The following COL1A2 variants were observed in gnomAD, a reference collection of about 807,000 sequenced individuals.
The protein encoded by COL1A2 is collagen alpha-2(I) chain.
Under a neutral mutation model 174.3 loss-of-function variants are expected in COL1A2, and 49 were observed. That is an observed-to-expected ratio of 0.28 (90% CI 0.22 to 0.36). COL1A2 has a LOEUF of 0.36. COL1A2 is among the 10% of genes least tolerant of loss of function. The pLI is 1.00. For synonymous variants in COL1A2, 655 were observed against 606.6 expected, an observed-to-expected ratio of 1.08 and a Z score of -1.17; for missense variants, 1,438 against 1,822.7, an observed-to-expected ratio of 0.79 and a Z score of 3.84.
In COL1A2 at chr7:94,395,170, A is replaced by G. The variant is rs751999362; in HGVS notation, c.70+69A>G. On this transcript the variant is annotated intron_variant, in intron 1 of 51. Transcript: ENST00000297268. ...TAGATGGGAGGGCACCCTGCCCTGA[A>G]AAGGAAAACCTGTAACCTGAATTCC... The G allele has an allele frequency of 3.0e-6, 4 of 1,335,236 alleles. No individual in the cohort carries two copies. In the African/African-American group the frequency reaches 5.8e-5, roughly 19 times the overall value. 82.7% of individuals were successfully genotyped at this position (1,335,236 alleles called of 1,614,324 possible).
At chr7:94,423,181 C>T (rs1449255998) in intron 40 of COL1A2, 63 bp downstream of exon 40, 4 of 1,583,616 alleles carry the variant, frequency 2.5e-6, no homozygotes, top group East Asian at 4.5e-5. Context: ...AGCCCCTACA[C>T]AAATCTTCAA....
intron 30 of COL1A2, 88 bp downstream of exon 30, chr7:94,415,358 T>C: frequency 9.0e-7 from 1 of 1,111,890 alleles, no homozygotes; most frequent in Middle Eastern, 2.0e-4. Flanking sequence ...CTGATGACCC[T>C]GCAACAAGTC....
At position 94,406,234 on chromosome 7, in the gene COL1A2, A is replaced by G; in HGVS notation, c.541-16A>G. ...CTATCATGGAACAGCATTTTATAAT[A>G]AGGCTTTCCTTTCAGGGACACAATG... is the stretch of plus-strand genomic sequence containing the variant. On this transcript the variant is annotated splice_polypyrimidine_tract_variant and intron_variant, in intron 11 of 51. Transcript: ENST00000297268. 1 of 1,613,242 alleles carries G rather than the reference A, an allele frequency of 6.2e-7. No individual in the cohort carries two copies. The highest frequency in any genetic ancestry group is 1.1e-5 in the South Asian group (1 of 91,054).
intron 25 of COL1A2, 152 bp from the exon 26 acceptor site, chr7:94,412,931 T>A (rs1791958706): frequency 2.5e-6 from 2 of 810,064 alleles, no homozygotes; most frequent in Non-Finnish European, 2.1e-6. Flanking sequence ...AGCTGCATGG[T>A]GATGGATCAT....
intron 41 of COL1A2, chr7:94,424,651 T>C (rs752120202): frequency 7.0e-6 from 4 of 568,870 alleles, no homozygotes; most frequent in South Asian, 2.0e-5. Flanking sequence ...CTTAAAATTA[T>C]GCAGAATGAT....
In COL1A2 at chr7:94,430,315, C is replaced by G; in HGVS notation, c.4023C>G (p.Phe1341Leu). The change falls in exon 52 of 52, where the codon TTC becomes TTG. Residue 1341 changes from phenylalanine (F) to leucine (L), a missense_variant. Coordinates refer to ENST00000297268, the MANE Select transcript of COL1A2 (RefSeq NM_000089.4). ...CAAATAAGCCATCACGCCTGCCCTT[C>G]CTTGATATTGCACCTTTGGACATCG... is the stretch of plus-strand genomic sequence containing the variant. ...YKTNKPSRLP[F>L]LDIAPLDIGG... 1 of 1,614,076 alleles carries G rather than the reference C, an allele frequency of 6.2e-7. No homozygotes were observed. The highest frequency in any genetic ancestry group is 8.5e-7 in the Non-Finnish European group (1 of 1,179,960).
At position 94,430,468 on chromosome 7, in the gene COL1A2, T is replaced by C; in HGVS notation, c.*75T>C. 6.8e-7 allele frequency: 1 copy of C among 1,478,580 alleles called. No individual in the cohort carries two copies. Among genetic ancestry groups the C allele is most frequent in the Non-Finnish European group, 9.3e-7 (1 of 1,069,812 alleles). 91.6% of individuals were successfully genotyped at this position (1,478,580 alleles called of 1,614,324 possible). A position where few individuals can be genotyped will look rare whatever the true frequency, so the allele number is the denominator to read the frequency against. The stretch of plus-strand genomic sequence containing the variant: ...TTTGCCATTTCTTCTTCTTCTTTTT[T>C]AACTGAAAGCTGAATCCTTCCATTT... On this transcript the variant is annotated 3_prime_UTR_variant, in exon 52 of 52. Coordinates refer to ENST00000297268, the MANE Select transcript of COL1A2 (RefSeq NM_000089.4).
chr7:94,413,807 A>G, intron 27 of COL1A2, 64 bp downstream of exon 27: 1 of 1,609,630 alleles, frequency 6.2e-7, no homozygotes, highest in Non-Finnish European at 8.5e-7. Flanking sequence ...CAAACTGGCC[A>G]TCTCCATTTT....
At chr7:94,414,181 G>T (rs2301643) in intron 28 of COL1A2, 41 bp from the exon 29 acceptor site, 1 of 1,603,050 alleles carries the variant, frequency 6.2e-7, no homozygotes, top group South Asian at 1.1e-5. Flanking sequence ...TCTCCTGAAC[G>T]TAGCCATGGG....
intron 22 of COL1A2, 25 bp downstream of exon 22, chr7:94,410,967 T>C: frequency 1.2e-6 from 2 of 1,613,538 alleles, no homozygotes; most frequent in Non-Finnish European, 1.7e-6. Flanking sequence ...ACTTACTTCC[T>C]AGAAAGGGGC....
At chr7:94,415,615 G>C (rs1792024126) in intron 30 of COL1A2, among the ~76,000 whole-genome samples, 1 of 152,168 alleles carries the variant, frequency 6.6e-6, no homozygotes, top group African/African-American at 2.4e-5. Flanking sequence ...TTTTGGCCAT[G>C]TGTGTTGATG....
Position 94,401,563 on chromosome 7 carries a change from C to G in COL1A2, c.226-4C>G, listed in dbSNP as rs1343752414. On this transcript the variant is annotated splice_polypyrimidine_tract_variant and splice_region_variant and intron_variant, in intron 5 of 51. Coordinates refer to ENST00000297268, the MANE Select transcript of COL1A2 (RefSeq NM_000089.4). ...TATATAATTTTTTTTTTTTACTTCTCTAGAACTTTGCTGCTCAGTATGATG... is the reference window on the plus strand; with the variant it reads ...TATATAATTTTTTTTTTTTACTTCTGTAGAACTTTGCTGCTCAGTATGATG... 1.4e-6 allele frequency: 2 copies of G among 1,397,582 alleles called. No individual in the cohort carries two copies. The highest frequency in any genetic ancestry group is 1.9e-6 in the Non-Finnish European group (2 of 1,064,486). The allele number at this position is 1,397,582 out of a possible 1,614,324, so 86.6% of individuals were successfully genotyped here.
At chr7:94,397,793 C>G in intron 2 of COL1A2, 35 bp downstream of exon 2, 1 of 1,193,432 alleles carries the variant, frequency 8.4e-7, no homozygotes, top group Non-Finnish European at 1.2e-6. Flanking sequence ...TTTAAAAATA[C>G]TTTGATTCCC....
intron 29 of COL1A2, among the ~76,000 whole-genome samples, chr7:94,414,583 C>T (rs1275960787): frequency 6.6e-6 from 1 of 152,112 alleles, no homozygotes; most frequent in Non-Finnish European, 1.5e-5. Context: ...TTATTTCCTT[C>T]CCCATAGTGA....
At position 94,428,261 on chromosome 7, in the gene COL1A2, G is replaced by C; in HGVS notation, c.3527-32G>C. 11 of 1,546,050 alleles carry C rather than the reference G, an allele frequency of 7.1e-6. No individual in the cohort carries two copies. In the East Asian group the frequency reaches 9.0e-5, roughly 13 times the overall value. On this transcript the variant is annotated intron_variant, in intron 49 of 51. Transcript: ENST00000297268. ...GAATCTGTGTTCTGCTCAATGAGAAGTTTCATGATCTGAATGTTATTTTCT... is the reference window on the plus strand; with the variant it reads ...GAATCTGTGTTCTGCTCAATGAGAACTTTCATGATCTGAATGTTATTTTCT...
intron 30 of COL1A2, 104 bp downstream of exon 30, chr7:94,415,374 T>A: frequency 1.0e-6 from 1 of 966,806 alleles, no homozygotes; most frequent in Non-Finnish European, 1.7e-6. Context: ...AAGTCTCTGA[T>A]GCTCTTCTAT....
At chr7:94,409,026 T>C (rs1258718212) in intron 16 of COL1A2, among the ~76,000 whole-genome samples, 1 of 152,046 alleles carries the variant, frequency 6.6e-6, no homozygotes, top group Non-Finnish European at 1.5e-5. Context: ...ACTGTGCCCA[T>C]CGATATAGAT....
chr7:94,426,589 G>A (rs538125230), intron 46 of COL1A2, 59 bp downstream of exon 46: 1 of 1,302,122 alleles, frequency 7.7e-7, no homozygotes, highest in Non-Finnish European at 1.1e-6. Context: ...CAGCTCAGAA[G>A]GATTTTCATA....
chr7:94,408,072 T>C (rs182079106), intron 13 of COL1A2, 111 bp from the exon 14 acceptor site: 176 of 1,297,654 alleles, frequency 1.4e-4, no homozygotes, highest in Admixed American at 3.4e-4. Context: ...AGGCAACTTA[T>C]TTATTTTTAG....
Sources: gnomAD v4.1 joint callset for allele counts (sites outside exome capture counted in the v4.1 genomes callset) on GRCh38, gnomAD v4.1.1 for gene constraint, MANE v1.5 for transcripts, NCBI Gene and HGNC (gene_info 2026-07-23, HGNC 2026-07-21) for gene names.